MAJIN: variants seen among roughly 807,000 people sequenced by gnomAD.
MAJIN encodes the protein membrane-anchored junction protein.
MAJIN carries 27 observed loss-of-function variants against 30.2 expected under a neutral mutation model. The ratio of observed to expected loss-of-function variants is 0.89; its 90% CI spans 0.66 to 1.23. The LOEUF is 1.23. Among genes scored for constraint, MAJIN ranks in the 50% most tolerant of loss-of-function variants. The pLI, the probability that MAJIN is intolerant of heterozygous loss-of-function variation, is 0.00. For synonymous variants in MAJIN, 78 were observed against 91.6 expected, an observed-to-expected ratio of 0.85 and a Z score of 0.85; for missense variants, 253 against 260.3, an observed-to-expected ratio of 0.97 and a Z score of 0.19.
chr11:64,948,095 A>T (rs912112298), intron 6 of MAJIN, among the ~76,000 whole-genome samples: 3 of 152,146 alleles, frequency 2.0e-5, no homozygotes, highest in African/African-American at 7.2e-5. Flanking sequence ...TCCTGACCTC[A>T]GGTGATCCAC....
At chr11:64,960,786 C>T (rs918335222) in intron 1 of MAJIN, among the ~76,000 whole-genome samples, 8 of 152,094 alleles carry the variant, frequency 5.3e-5, no homozygotes, top group Non-Finnish European at 2.9e-5. Context: ...TCTACGTGCC[C>T]GAAGAATGGA....
At chr11:64,947,240 C>T in intron 8 of MAJIN, 134 bp downstream of exon 8, 1 of 583,084 alleles carries the variant, frequency 1.7e-6, no homozygotes, top group South Asian at 3.2e-5. Flanking sequence ...CTTAGTCCAC[C>T]CACTGTAATA....
chr11:64,941,040 G>C (rs1453185035), intron 8 of MAJIN, among the ~76,000 whole-genome samples: 1 of 151,388 alleles, frequency 6.6e-6, no homozygotes, highest in Non-Finnish European at 1.5e-5. Flanking sequence ...GGGTTTCACC[G>C]TGTTAGCCAG....
chr11:64,948,620 T>TC lies in MAJIN; in HGVS notation c.350-802_350-801insG, dbSNP rs1565126981. On this transcript the variant is annotated intron_variant, in intron 6 of 10. Transcript: ENST00000301896. ...GCTACATCATATATATATATATATA[T>TC]ATATATATATATATATATATTTTTT... Among the ~76,000 whole-genome samples the TC allele has an allele frequency of 2.7e-3, 117 of 43,976 alleles. 11 individuals carry two copies. Among genetic ancestry groups the TC allele is most frequent in the African/African-American group, 0.014 (110 of 7,862 alleles). The allele number at this position is 43,976 out of a possible 152,430, so 28.8% of individuals were successfully genotyped here.
chr11:64,971,293 G>A (rs1945898516), intron 1 of MAJIN, among the ~76,000 whole-genome samples: 1 of 151,984 alleles, frequency 6.6e-6, no homozygotes, highest in Non-Finnish European at 1.5e-5. Context: ...CAGGAGTGGC[G>A]GCGCATGCCT....
chr11:64,945,980 C>T (rs891124755), intron 8 of MAJIN: 19 of 1,137,160 alleles, frequency 1.7e-5, no homozygotes, highest in East Asian at 2.8e-5. Flanking sequence ...TCAATCTGCA[C>T]GAAAAACCAA....
At chr11:64,967,796 T>G (rs1945835858) in intron 1 of MAJIN, among the ~76,000 whole-genome samples, 1 of 152,054 alleles carries the variant, frequency 6.6e-6, no homozygotes, top group Admixed American at 6.6e-5. Flanking sequence ...AGAGACATGA[T>G]CCCTCGTCTT....
At chr11:64,954,402 C>T (rs562513948) in intron 4 of MAJIN, 6 of 401,042 alleles carry the variant, frequency 1.5e-5, no homozygotes, top group African/African-American at 4.1e-5. Flanking sequence ...ACGTCAAGTA[C>T]CAGGCAGTGG....
intron 9 of MAJIN, 115 bp from the exon 10 acceptor site, chr11:64,939,882 T>A: frequency 1.2e-6 from 1 of 815,768 alleles, no homozygotes; most frequent in Non-Finnish European, 1.9e-6. Context: ...AAGAGTTCTT[T>A]AAAGCCAGAT....
chr11:64,966,243 C>T (rs1489904062), intron 1 of MAJIN, among the ~76,000 whole-genome samples: 1 of 141,868 alleles, frequency 7.0e-6, no homozygotes, highest in East Asian at 2.2e-4. Context: ...GCAATTTTAA[C>T]AATTGATACA....
chr11:64,939,078 T>G (rs470511), intron 10 of MAJIN, among the ~76,000 whole-genome samples: 114,628 of 152,020 alleles, frequency 0.75, 43,423 homozygotes, highest in African/African-American at 0.77. Flanking sequence ...TACAGAACAT[T>G]CCACCACATC....
chr11:64,966,145 G>GAAAAAAAAAAAAAAAA lies in MAJIN; in HGVS notation c.-65+5716_-65+5731dup, dbSNP rs58387921. Among the ~76,000 whole-genome samples, 45 of 57,102 alleles carry GAAAAAAAAAAAAAAAA rather than the reference G, an allele frequency of 7.9e-4. 1 individual carries two copies. The highest frequency in any genetic ancestry group is 1.0e-3 in the Non-Finnish European group (34 of 33,432). 37.5% of individuals were successfully genotyped at this position (57,102 alleles called of 152,430 possible). On this transcript the variant is annotated intron_variant, in intron 1 of 10. Coordinates refer to ENST00000301896, the MANE Select transcript of MAJIN (RefSeq NM_001037225.3). ...ACATGTAAGGAAGAAGATTAAAAAT[G>GAAAAAAAAAAAAAAAA]AAAAAAAAAAAAAAAAAAAAGCAGC...
intron 1 of MAJIN, among the ~76,000 whole-genome samples, chr11:64,966,994 G>C (rs987080284): frequency 5.9e-5 from 9 of 151,730 alleles, no homozygotes; most frequent in South Asian, 2.1e-4. Context: ...AGATATACTT[G>C]GCCAGGTGTT....
At chr11:64,960,326 C>G (rs992729203) in intron 1 of MAJIN, among the ~76,000 whole-genome samples, 191 bp from the exon 2 acceptor site, 1 of 152,164 alleles carries the variant, frequency 6.6e-6, no homozygotes, top group Admixed American at 6.5e-5. Flanking sequence ...GTTTGAATCT[C>G]AGTCCAATGT....
At position 64,951,040 on chromosome 11, in the gene MAJIN, T is replaced by C. The variant is rs1945543814; in HGVS notation, c.148-610A>G. Among the ~76,000 whole-genome samples the C allele has an allele frequency of 2.6e-5, 4 of 152,212 alleles. No homozygotes were observed. The South Asian group carries it at 8.3e-4, about 32-fold the overall frequency. ...TTTCCCTGATTTACCAAGTTATAAT[T>C]GTTAGTATCAAACTTCACAGTAGTT... On this transcript the variant is annotated intron_variant, in intron 4 of 10. Coordinates refer to ENST00000301896, the MANE Select transcript of MAJIN (RefSeq NM_001037225.3).
At chr11:64,946,445 A>C (rs531330528) in intron 8 of MAJIN, among the ~76,000 whole-genome samples, 2 of 152,322 alleles carry the variant, frequency 1.3e-5, no homozygotes, top group East Asian at 3.9e-4. Flanking sequence ...GAAAGGGAAG[A>C]TCTGAGACCT....
rs772103832 is a variant in MAJIN, at chr11:64,947,750, A to G, written c.381+38T>C. ...ACTTTTTGGAAAAAAGAAGGTGATAAAGGCAATTTTCATTTTGTACAGAAA... is the reference window on the plus strand; with the variant it reads ...ACTTTTTGGAAAAAAGAAGGTGATAGAGGCAATTTTCATTTTGTACAGAAA... On this transcript the variant is annotated intron_variant, in intron 7 of 10. Transcript: ENST00000301896. The G allele has an allele frequency of 4.4e-6, 7 of 1,604,810 alleles. No homozygotes were observed. In the African/African-American group the frequency reaches 9.4e-5, roughly 22 times the overall value.
intron 10 of MAJIN, 94 bp from the exon 11 acceptor site, chr11:64,938,667 T>G: frequency 7.3e-7 from 1 of 1,371,494 alleles, no homozygotes; most frequent in African/African-American, 1.4e-5. Flanking sequence ...AGGGCATTTT[T>G]GCTCTGGGGA....
intron 4 of MAJIN, among the ~76,000 whole-genome samples, chr11:64,951,285 CT>C (rs1184338566): frequency 6.6e-6 from 1 of 152,102 alleles, no homozygotes; most frequent in Non-Finnish European, 1.5e-5. Flanking sequence ...TAAGTCAAAC[CT>C]TTTTTTCACT....
Sources: gnomAD v4.1 joint callset for allele counts (sites outside exome capture counted in the v4.1 genomes callset) on GRCh38, gnomAD v4.1.1 for gene constraint, MANE v1.5 for transcripts, NCBI Gene and HGNC (gene_info 2026-07-23, HGNC 2026-07-21) for gene names.